GSE1: variants seen among roughly 807,000 people sequenced by gnomAD.
The protein encoded by GSE1 is Gse1 coiled-coil protein.
A neutral mutation model predicts 112.6 loss-of-function variants in GSE1; 32 were observed. That is an observed-to-expected ratio of 0.28 (90% CI 0.21 to 0.38). GSE1 has a LOEUF of 0.38. GSE1 is among the 10% of genes least tolerant of loss of function. The probability of loss-of-function intolerance (pLI) is 1.00; values close to 1 mark genes in which losing one functional copy is unlikely to be tolerated. For synonymous variants in GSE1, 1,115 were observed against 735.6 expected, an observed-to-expected ratio of 1.52 and a Z score of -8.35; for missense variants, 2,348 against 1,699.2, an observed-to-expected ratio of 1.38 and a Z score of -6.71.
At chr16:85,638,965 T>C (rs1383075178) in intron 2 of GSE1, among the ~76,000 whole-genome samples, 1 of 152,116 alleles carries the variant, frequency 6.6e-6, no homozygotes, top group African/African-American at 2.4e-5. Context: ...TGGTCTTGAC[T>C]TTCTGGGAGA....
At chr16:85,649,547 C>G (rs890658485) in intron 3 of GSE1, among the ~76,000 whole-genome samples, 1 of 152,184 alleles carries the variant, frequency 6.6e-6, no homozygotes, top group Non-Finnish European at 1.5e-5. Flanking sequence ...TGGGGCCTGC[C>G]TGTGTGGAAG....
intron 1 of GSE1, among the ~76,000 whole-genome samples, chr16:85,221,332 A>C (rs114383126): frequency 0.046 from 6,534 of 143,088 alleles, 452 homozygotes; most frequent in African/African-American, 0.16. Context: ...ACACACACAC[A>C]CACCCCAAGT....
chr16:85,374,126 T>A (rs147141908), intron 2 of GSE1, among the ~76,000 whole-genome samples: 142 of 152,098 alleles, frequency 9.3e-4, no homozygotes, highest in African/African-American at 3.3e-3. Context: ...GTGTAGTGTG[T>A]GTCAGTGTGC....
intron 2 of GSE1, among the ~76,000 whole-genome samples, chr16:85,448,131 C>G (rs538638701): frequency 6.6e-6 from 1 of 152,230 alleles, no homozygotes; most frequent in Non-Finnish European, 1.5e-5. Context: ...GCCCGCATCA[C>G]CTTCTCTGGA....
At chr16:85,431,984 G>A (rs964351916) in intron 2 of GSE1, among the ~76,000 whole-genome samples, 23 of 152,210 alleles carry the variant, frequency 1.5e-4, no homozygotes, top group African/African-American at 3.9e-4. Context: ...CGGCATGGGC[G>A]CCTGGTGGAA....
chr16:85,408,557 C>T lies in GSE1; in HGVS notation c.2464+50914C>T, dbSNP rs866743063. ...CCTCACTGTTACACTCAGGGCCCCCCGGATAATCCTCACTGTTACACTCAG... is the reference window on the plus strand; with the variant it reads ...CCTCACTGTTACACTCAGGGCCCCCTGGATAATCCTCACTGTTACACTCAG... On this transcript the variant is annotated intron_variant, in intron 2 of 2. Transcript: ENST00000637419. 2.0e-3 allele frequency among the ~76,000 whole-genome samples: 55 copies of T among 28,050 alleles called. 1 individual carries two copies. Among genetic ancestry groups the T allele is most frequent in the African/African-American group, 4.7e-3 (26 of 5,502 alleles). The allele number at this position is 28,050 out of a possible 152,430, so 18.4% of individuals were successfully genotyped here.
At chr16:85,319,639 T>C (rs911380877) in intron 1 of GSE1, among the ~76,000 whole-genome samples, 1 of 152,176 alleles carries the variant, frequency 6.6e-6, no homozygotes, top group Non-Finnish European at 1.5e-5. Flanking sequence ...ACAGGGCCCA[T>C]AGGGCCCTCG....
chr16:85,297,133 C>T (rs1172765037), intron 1 of GSE1, among the ~76,000 whole-genome samples: 1 of 152,226 alleles, frequency 6.6e-6, no homozygotes. Flanking sequence ...CCGCCCTCTA[C>T]CCGGCCAGGC....
At chr16:85,506,984 C>T (rs565191451) in intron 2 of GSE1, among the ~76,000 whole-genome samples, 27 of 152,274 alleles carry the variant, frequency 1.8e-4, no homozygotes, top group African/African-American at 5.1e-4. Flanking sequence ...GCTTGGAGTC[C>T]GTAGCCTTGG....
intron 2 of GSE1, among the ~76,000 whole-genome samples, chr16:85,538,657 G>T (rs990672715): frequency 1.3e-5 from 2 of 152,152 alleles, no homozygotes; most frequent in South Asian, 2.1e-4. Flanking sequence ...AGGCCCCTGT[G>T]GGGAGGAAGT....
chr16:85,330,856 G>C (rs953384256), intron 1 of GSE1, among the ~76,000 whole-genome samples: 1 of 152,120 alleles, frequency 6.6e-6, no homozygotes, highest in African/African-American at 2.4e-5. Flanking sequence ...CTTACCCCAG[G>C]CTTGGGAAGT....
intron 1 of GSE1, among the ~76,000 whole-genome samples, chr16:85,185,532 C>T (rs2074682019): frequency 6.6e-6 from 1 of 152,244 alleles, no homozygotes; most frequent in Non-Finnish European, 1.5e-5. Flanking sequence ...CTTGGAATAC[C>T]CACTGGAAAC....
chr16:85,275,518 G>C (rs767636213), intron 1 of GSE1, among the ~76,000 whole-genome samples: 2 of 152,202 alleles, frequency 1.3e-5, no homozygotes, highest in African/African-American at 4.8e-5. Context: ...ACAAGCCACC[G>C]AGTTCAAATG....
intron 2 of GSE1, among the ~76,000 whole-genome samples, chr16:85,367,844 CTTT>C: frequency 8.7e-6 from 1 of 115,006 alleles, no homozygotes; most frequent in African/African-American, 3.3e-5. Context: ...AAATAAGATT[CTTT>C]TTTTTTTTTT....
chr16:85,247,254 A>G (rs980463680), intron 1 of GSE1, among the ~76,000 whole-genome samples: 1 of 152,178 alleles, frequency 6.6e-6, no homozygotes, highest in Non-Finnish European at 1.5e-5. Flanking sequence ...CTCTGTCCCC[A>G]GCACCTAGAA....
intron 2 of GSE1, among the ~76,000 whole-genome samples, chr16:85,644,388 C>T (rs1247694082): frequency 1.3e-5 from 2 of 150,976 alleles, no homozygotes; most frequent in Non-Finnish European, 2.9e-5. Flanking sequence ...CTGTTGACAG[C>T]GGCCACAAGG....
At chr16:85,530,031 T>C (rs2044088004) in intron 2 of GSE1, among the ~76,000 whole-genome samples, 3 of 152,228 alleles carry the variant, frequency 2.0e-5, no homozygotes, top group Admixed American at 6.5e-5. Flanking sequence ...GTGCACAACC[T>C]GCCCGCATGT....
intron 1 of GSE1, among the ~76,000 whole-genome samples, chr16:85,305,466 GTTT>G (rs60796923): frequency 1.3e-5 from 2 of 150,884 alleles, no homozygotes; most frequent in African/African-American, 2.4e-5. Context: ...GTTTTTTGTT[GTTT>G]TTTTTTTTTT....
chr16:85,655,080 T>C, intron 5 of GSE1, 89 bp downstream of exon 5: 1 of 857,416 alleles, frequency 1.2e-6, no homozygotes, highest in Non-Finnish European at 1.9e-6. Flanking sequence ...TCTTATGACC[T>C]GAGAGCCAGG....
Sources: allele counts gnomAD v4.1 joint callset (sites outside exome capture counted in the v4.1 genomes callset), GRCh38; gene constraint gnomAD v4.1.1; transcripts MANE v1.5; gene names NCBI Gene and HGNC (gene_info 2026-07-23, HGNC 2026-07-21).